Variants in PLAT observed in about 807,000 individuals in gnomAD.
PLAT encodes the protein plasminogen activator, tissue type.
A neutral mutation model predicts 74.9 loss-of-function variants in PLAT; 48 were observed. That is an observed-to-expected ratio of 0.64 (90% CI 0.51 to 0.82). PLAT has a LOEUF of 0.82. PLAT is among the 40% of genes least tolerant of loss of function. The probability of loss-of-function intolerance (pLI) is 0.00; values close to 1 mark genes in which losing one functional copy is unlikely to be tolerated. For synonymous variants in PLAT, 307 were observed against 294.4 expected (o/e 1.04, Z -0.44); for missense variants, 673 against 736.2 (o/e 0.91, Z 0.99).
Position 42,180,663 on chromosome 8 carries a change from G to C in PLAT, c.912C>G (p.Tyr304Ter). 1 of 1,591,232 alleles carries C rather than the reference G, an allele frequency of 6.3e-7. No homozygotes were observed. The highest frequency in any genetic ancestry group is 1.2e-5 in the South Asian group (1 of 86,882). The change falls in exon 10 of 14, where the codon TAC becomes TAG. Residue 304 changes from tyrosine to a stop codon, truncating the protein, a stop_gained. Transcript: ENST00000220809. LOFTEE classifies it high-confidence loss of function. ...CTTTGATGCGAAACTGAGGCTGGCT[G>C]TACTGTCTCAGGCCGCAGGTGGCTG... is the stretch of plus-strand genomic sequence containing the variant. ...PSCSTCGLRQ[Y>*]SQPQFRIKGG...
intron 6 of PLAT, 59 bp downstream of exon 6, chr8:42,187,339 T>G (rs913798308): frequency 1.4e-6 from 2 of 1,443,718 alleles, no homozygotes; most frequent in African/African-American, 2.8e-5. Flanking sequence ...TGACAGAATC[T>G]TTCCCCAGCT....
intron 13 of PLAT, among the ~76,000 whole-genome samples, chr8:42,177,653 T>A (rs928319000): frequency 6.6e-6 from 1 of 152,228 alleles, no homozygotes; most frequent in African/African-American, 2.4e-5. Context: ...TCTTGGTAAT[T>A]GTTAGCTGTT....
rs1290300816 is a variant in PLAT at position 42,179,991 on chromosome 8, G to T, written c.1298C>A (p.Pro433Gln). The T allele has an allele frequency of 1.2e-6, 2 of 1,608,740 alleles. No individual in the cohort carries two copies. Among genetic ancestry groups the T allele is most frequent in the South Asian group, 1.1e-5 (1 of 90,328 alleles). ...SSVVRTVCLP[P>Q]ADLQLPDWTE... ...CCAGTCCGGCAGCTGCAGGTCCGCCGGGGGAAGGCACACAGTGCGGACCAC... is the reference window on the plus strand; with the variant it reads ...CCAGTCCGGCAGCTGCAGGTCCGCCTGGGGAAGGCACACAGTGCGGACCAC... The change falls in exon 12 of 14, where the codon CCG becomes CAG. Residue 433 changes from proline to glutamine, a missense_variant. Transcript: ENST00000220809.
chr8:42,176,125 A>G lies in PLAT; in HGVS notation c.1557T>C (p.Cys519=), dbSNP rs750446254. 1 of 1,613,828 alleles carries G rather than the reference A, an allele frequency of 6.2e-7. No individual in the cohort carries two copies. Among genetic ancestry groups the G allele is most frequent in the African/African-American group, 1.3e-5 (1 of 74,904 alleles). The change falls in exon 14 of 14, where the codon TGT becomes TGC. Residue 519 remains cysteine (C), a synonymous_variant. Transcript: ENST00000220809. ...CCAAAGTCATGCGGCCATCGTTCAG[A>G]CACACCAGGGGGCCTCCCGAATCGC... ...CQGDSGGPLV[C]LNDGRMTLVG...
chr8:42,194,043 C>CTTCT (rs1287037026), intron 1 of PLAT, among the ~76,000 whole-genome samples: 1 of 94,194 alleles, frequency 1.1e-5, no homozygotes, highest in Non-Finnish European at 2.0e-5. Flanking sequence ...TTTCTTCTTT[C>CTTCT]TTCTTTCTTT....
intron 1 of PLAT, among the ~76,000 whole-genome samples, chr8:42,197,375 T>C (rs926842221): frequency 6.6e-6 from 1 of 152,160 alleles, no homozygotes; most frequent in African/African-American, 2.4e-5. Flanking sequence ...TCCTGGGCCC[T>C]GCCAAACAAC....
chr8:42,180,690 G>A lies in PLAT; in HGVS notation c.890-5C>T. The A allele has an allele frequency of 6.4e-7, 1 of 1,555,610 alleles. No individual in the cohort carries two copies. The highest frequency in any genetic ancestry group is 8.7e-7 in the Non-Finnish European group (1 of 1,149,860). ...ACTGTCTCAGGCCGCAGGTGGCTGG[G>A]GAGGAAAGGACGAGGAGGCAGTCAG... On this transcript the variant is annotated splice_polypyrimidine_tract_variant and splice_region_variant and intron_variant, in intron 9 of 13. Coordinates refer to ENST00000220809, the MANE Select transcript of PLAT (RefSeq NM_000930.5).
intron 12 of PLAT, 135 bp from the exon 13 acceptor site, chr8:42,179,198 G>A (rs529724417): frequency 1.3e-5 from 8 of 635,508 alleles, no homozygotes; most frequent in Middle Eastern, 4.0e-4. Context: ...CTATGACACT[G>A]CTGGTATTTT....
At chr8:42,203,445 A>G (rs1202351375) in intron 1 of PLAT, among the ~76,000 whole-genome samples, 1 of 152,166 alleles carries the variant, frequency 6.6e-6, no homozygotes, top group Admixed American at 6.6e-5. Flanking sequence ...GCTGGCTAGC[A>G]TTTCCTGGCA....
chr8:42,198,154 G>A (rs1458908999), intron 1 of PLAT, among the ~76,000 whole-genome samples: 3 of 152,184 alleles, frequency 2.0e-5, no homozygotes, highest in Non-Finnish European at 4.4e-5. Flanking sequence ...GCAACACAGT[G>A]AGACTCTGTC....
In PLAT at chr8:42,180,344, T is replaced by C. The variant is rs763316163; in HGVS notation, c.1120A>G (p.Arg374Gly). The C allele has an allele frequency of 2.4e-5, 38 of 1,614,248 alleles. No individual in the cohort carries two copies. The East Asian group carries it at 7.4e-4, about 31-fold the overall frequency. The change falls in exon 11 of 14, where the codon AGA (arginine) becomes GGA (glycine). Residue 374 changes from arginine (R) to glycine (G), a missense_variant. Transcript: ENST00000220809. Reference sequence around the variant, plus strand: ...TCGCCAGGGACCACCCGGTATGTTCTGCCCAAGATCACCGTCAGGTGGTGG... The same window carrying C: ...TCGCCAGGGACCACCCGGTATGTTCCGCCCAAGATCACCGTCAGGTGGTGG... ...PPHHLTVILG[R>G]TYRVVPGEEE...
chr8:42,206,053 A>G (rs1806318657), intron 1 of PLAT, among the ~76,000 whole-genome samples: 2 of 152,216 alleles, frequency 1.3e-5, no homozygotes, highest in African/African-American at 4.8e-5. Flanking sequence ...GGCTGCCTGG[A>G]CTGTCCCAGG....
chr8:42,176,042 G>T lies in PLAT; in HGVS notation c.1640C>A (p.Thr547Asn). The T allele has an allele frequency of 6.2e-7, 1 of 1,614,090 alleles. No individual in the cohort carries two copies. The highest frequency in any genetic ancestry group is 8.5e-7 in the Non-Finnish European group (1 of 1,179,984). The change falls in exon 14 of 14, where the codon ACC (threonine) becomes AAC (asparagine). Residue 547 changes from threonine (T) to asparagine (N), a missense_variant. Transcript: ENST00000220809. ...CCAGTCTAGGTAGTTGGTAACCTTG[G>T]TGTACACACCCGGGACATCCTTCTG... Reference protein sequence around the residue: ...CGQKDVPGVYTKVTNYLDWIR... With the variant: ...CGQKDVPGVYNKVTNYLDWIR...
rs1267372636 is a variant in PLAT at position 42,175,997 on chromosome 8, G to A, written c.1685C>T (p.Pro562Leu). 2 of 1,613,994 alleles carry A rather than the reference G, an allele frequency of 1.2e-6. No individual in the cohort carries two copies. The highest frequency in any genetic ancestry group is 1.1e-5 in the South Asian group (1 of 91,052). The change falls in exon 14 of 14, where the codon CCG becomes CTG. Residue 562 changes from proline (P) to leucine (L), a missense_variant. Pro to Leu is a moderately conservative substitution (Grantham distance 98). Transcript: ENST00000220809. ...TGAGGAGTCGGGTGTTCCTGGTCACGGTCGCATGTTGTCACGAATCCAGTC... is the reference window on the plus strand; with the variant it reads ...TGAGGAGTCGGGTGTTCCTGGTCACAGTCGCATGTTGTCACGAATCCAGTC... ...YLDWIRDNMRP is the reference protein window; with the variant it reads ...YLDWIRDNMRL
intron 1 of PLAT, among the ~76,000 whole-genome samples, chr8:42,201,770 T>A (rs1260209354): frequency 1.3e-5 from 2 of 152,210 alleles, no homozygotes; most frequent in African/African-American, 4.8e-5. Flanking sequence ...ATGACACAGC[T>A]GAGACATCAG....
At chr8:42,176,229 A>G (rs1162894145) in intron 13 of PLAT, 78 bp from the exon 14 acceptor site, 5 of 1,029,766 alleles carry the variant, frequency 4.9e-6, no homozygotes, top group South Asian at 4.6e-5. Context: ...TAGCATGAAC[A>G]TCGTAATCTT....
In PLAT at chr8:42,188,967, C is replaced by T; in HGVS notation, c.220G>A (p.Gly74Ser). 6.2e-7 allele frequency: 1 copy of T among 1,614,046 alleles called. No individual in the cohort carries two copies. The highest frequency in any genetic ancestry group is 8.5e-7 in the Non-Finnish European group (1 of 1,179,984). The change falls in exon 4 of 14, where the codon GGC becomes AGC. Residue 74 changes from glycine (G) to serine (S), a missense_variant. Transcript: ENST00000220809. ...NRVEYCWCNSGRAQCHSVPVK... is the reference protein window; with the variant it reads ...NRVEYCWCNSSRAQCHSVPVK... ...GGCACTGAGTGGCACTGTGCCCTGC[C>T]ACTGTTGCACCAGCAATATTCCACC...
chr8:42,195,191 G>A (rs1206162237), intron 1 of PLAT, among the ~76,000 whole-genome samples: 3 of 147,092 alleles, frequency 2.0e-5, no homozygotes, highest in Non-Finnish European at 4.5e-5. Flanking sequence ...GCCTGGGTCC[G>A]GCTCTGGATC....
chr8:42,202,417 A>G (rs1448098022), intron 1 of PLAT, among the ~76,000 whole-genome samples: 2 of 151,692 alleles, frequency 1.3e-5, no homozygotes, highest in Admixed American at 6.6e-5. Context: ...CTCAGCTGAA[A>G]TAAAAACTGC....
Sources: gnomAD v4.1 joint callset for allele counts (sites outside exome capture counted in the v4.1 genomes callset) on GRCh38, gnomAD v4.1.1 for gene constraint, MANE v1.5 for transcripts, NCBI Gene and HGNC (gene_info 2026-07-23, HGNC 2026-07-21) for gene names.